Variants in CLSTN2 observed in about 807,000 individuals in gnomAD.
The protein encoded by CLSTN2 is calsyntenin 2.
In CLSTN2, 48 loss-of-function variants were observed where a neutral mutation model predicts 101.2. That is an observed-to-expected ratio of 0.47 (90% CI 0.38 to 0.60). The LOEUF is 0.60. Ranked by LOEUF, CLSTN2 falls within the 20% of genes least tolerant of loss-of-function variation. The pLI, the probability that CLSTN2 is intolerant of heterozygous loss-of-function variation, is 0.00. For synonymous variants in CLSTN2, 481 were observed against 463.6 expected (o/e 1.04, Z -0.48); for missense variants, 1,160 against 1,238.2 (o/e 0.94, Z 0.95).
rs534329520 is a variant in CLSTN2, at chr3:140,050,343, A to G, written c.109+114860A>G. Among the ~76,000 whole-genome samples the G allele has an allele frequency of 2.3e-3, 350 of 152,360 alleles. 2 individuals are homozygous for G. The highest frequency in any genetic ancestry group is 6.8e-3 in the African/African-American group (284 of 41,580). ...GAAAGGATGTTTACTATGTTGAGCC[A>G]TATGAAATCACTACTATTTGACCTA... On this transcript the variant is annotated intron_variant, in intron 1 of 16. Transcript: ENST00000458420.
In CLSTN2 at chr3:140,572,104, A is replaced by G. The variant is rs1218236173; in HGVS notation, c.*5851A>G. The G allele has an allele frequency of 6.6e-6, 1 of 152,250 alleles. No homozygotes were observed. Among genetic ancestry groups the G allele is most frequent in the East Asian group, 1.9e-4 (1 of 5,188 alleles). 9.4% of individuals were successfully genotyped at this position (152,250 alleles called of 1,614,324 possible). ...TGGGATGTCCCTTTGTGGTGTTGGAAGCTGTGCACGAGCAGTCAGGACTTT... is the reference window on the plus strand; with the variant it reads ...TGGGATGTCCCTTTGTGGTGTTGGAGGCTGTGCACGAGCAGTCAGGACTTT... On this transcript the variant is annotated 3_prime_UTR_variant, in exon 17 of 17. Transcript: ENST00000458420.
chr3:140,403,824 A>G lies in CLSTN2; in HGVS notation c.428A>G (p.Lys143Arg). ...PHETAWKKSH[K>R]AVVHIQVKDV... ...GAGACAGCCTGGAAAAAGTCACACA[A>G]GTGAGTGGCCTGACAGAGCCCTCTG... The change falls in exon 3 of 17, where the codon AAG becomes AGG. Residue 143 changes from lysine to arginine, a missense_variant and splice_region_variant. Coordinates refer to ENST00000458420, the MANE Select transcript of CLSTN2 (RefSeq NM_022131.3). 1 of 1,607,778 alleles carries G rather than the reference A, an allele frequency of 6.2e-7. No homozygotes were observed.
chr3:140,304,422 G>T (rs1487764801), intron 2 of CLSTN2, among the ~76,000 whole-genome samples: 1 of 152,188 alleles, frequency 6.6e-6, no homozygotes. Flanking sequence ...CCTGGTGAGG[G>T]TTCTCTTCCT....
chr3:140,564,115 T>C lies in CLSTN2; in HGVS notation c.2637T>C (p.Ser879=). ...AKESEMDWDD[S]ALTITVNPME... Reference sequence around the variant, plus strand: ...AATCTGAGATGGACTGGGACGATTCTGCGCTGACTATCACAGTCAACCCCA... The same window carrying C: ...AATCTGAGATGGACTGGGACGATTCCGCGCTGACTATCACAGTCAACCCCA... The change falls in exon 16 of 17, where the codon TCT becomes TCC. Residue 879 remains serine, a synonymous_variant. Coordinates refer to ENST00000458420, the MANE Select transcript of CLSTN2 (RefSeq NM_022131.3). 6.2e-7 allele frequency: 1 copy of C among 1,614,140 alleles called. No individual in the cohort carries two copies. Among genetic ancestry groups the C allele is most frequent in the East Asian group, 2.2e-5 (1 of 44,872 alleles).
At chr3:140,331,894 C>G (rs541255958) in intron 2 of CLSTN2, among the ~76,000 whole-genome samples, 1 of 152,316 alleles carries the variant, frequency 6.6e-6, no homozygotes, top group Non-Finnish European at 1.5e-5. Flanking sequence ...TCTGTTCCCT[C>G]CAAACCACTA....
At chr3:139,961,052 A>G (rs185998349) in intron 1 of CLSTN2, among the ~76,000 whole-genome samples, 9 of 152,250 alleles carry the variant, frequency 5.9e-5, no homozygotes, top group Non-Finnish European at 1.3e-4. Flanking sequence ...GGCACTAGAG[A>G]TACAAAACTG....
intron 2 of CLSTN2, among the ~76,000 whole-genome samples, chr3:140,390,310 A>G (rs547941279): frequency 6.6e-6 from 1 of 152,214 alleles, no homozygotes; most frequent in Admixed American, 6.5e-5. Flanking sequence ...TAGTGTTTGT[A>G]TTATCTTCAG....
intron 1 of CLSTN2, among the ~76,000 whole-genome samples, chr3:140,037,320 A>C (rs1282460879): frequency 1.3e-5 from 2 of 152,128 alleles, no homozygotes; most frequent in African/African-American, 4.8e-5. Flanking sequence ...TGTAGCCTGG[A>C]TTGATAAAAG....
At chr3:140,108,630 C>A (rs16849869) in intron 1 of CLSTN2, among the ~76,000 whole-genome samples, 11,707 of 152,238 alleles carry the variant, frequency 0.077, 509 homozygotes, top group East Asian at 0.17. Context: ...AATTCACAGT[C>A]AAGGCAGTTA....
chr3:139,965,747 G>T (rs1935588178), intron 1 of CLSTN2, among the ~76,000 whole-genome samples: 1 of 152,140 alleles, frequency 6.6e-6, no homozygotes, highest in Non-Finnish European at 1.5e-5. Flanking sequence ...TCTTGCAGGG[G>T]CCCAGAGCCC....
At chr3:139,965,003 A>C (rs1487650454) in intron 1 of CLSTN2, among the ~76,000 whole-genome samples, 1 of 152,290 alleles carries the variant, frequency 6.6e-6, no homozygotes, top group East Asian at 1.9e-4. Flanking sequence ...GGCTTCAGAC[A>C]ATGCCACTAC....
At chr3:140,460,024 C>A (rs1181716068) in intron 7 of CLSTN2, among the ~76,000 whole-genome samples, 1 of 152,134 alleles carries the variant, frequency 6.6e-6, no homozygotes, top group Non-Finnish European at 1.5e-5. Flanking sequence ...GGAATCAGTG[C>A]TTTTCAAACT....
intron 2 of CLSTN2, among the ~76,000 whole-genome samples, chr3:140,205,743 T>A (rs2010774377): frequency 6.6e-6 from 1 of 151,984 alleles, no homozygotes; most frequent in Non-Finnish European, 1.5e-5. Context: ...GAGCCCCTAC[T>A]GTGTGCAAGC....
chr3:140,242,103 G>T (rs1487298693), intron 2 of CLSTN2, among the ~76,000 whole-genome samples: 12 of 151,898 alleles, frequency 7.9e-5, no homozygotes, highest in Admixed American at 7.9e-4. Flanking sequence ...GTAGAGATGG[G>T]GTTTCACCAT....
At position 140,134,055 on chromosome 3, in the gene CLSTN2, C is replaced by G. The variant is rs145011244; in HGVS notation, c.110-41896C>G. ...AGCTTGGATGGAATATCTCCTCCCT[C>G]CCATCCATGATCCTTGGGAAACTGT... is the stretch of plus-strand genomic sequence containing the variant. On this transcript the variant is annotated intron_variant, in intron 1 of 16. Coordinates refer to ENST00000458420, the MANE Select transcript of CLSTN2 (RefSeq NM_022131.3). Among the ~76,000 whole-genome samples the G allele has an allele frequency of 7.2e-5, 11 of 152,284 alleles. No homozygotes were observed. In the East Asian group the frequency reaches 2.1e-3, roughly 29 times the overall value.
intron 2 of CLSTN2, among the ~76,000 whole-genome samples, chr3:140,203,087 C>G (rs1046834373): frequency 1.2e-4 from 18 of 152,140 alleles, no homozygotes; most frequent in African/African-American, 4.3e-4. Context: ...CCTCCCCTCC[C>G]AAATTGGAAT....
intron 4 of CLSTN2, among the ~76,000 whole-genome samples, chr3:140,407,195 C>T (rs1204498851): frequency 6.6e-6 from 1 of 152,106 alleles, no homozygotes; most frequent in East Asian, 1.9e-4. Flanking sequence ...TTTCTCTGAG[C>T]GACCTTTCTG....
intron 2 of CLSTN2, among the ~76,000 whole-genome samples, chr3:140,215,471 G>T (rs1174940950): frequency 6.6e-6 from 1 of 152,170 alleles, no homozygotes; most frequent in Non-Finnish European, 1.5e-5. Flanking sequence ...AGTTGTTTCT[G>T]TGCAGAAGTT....
chr3:140,324,583 C>G (rs1007939462), intron 2 of CLSTN2, among the ~76,000 whole-genome samples: 2 of 152,016 alleles, frequency 1.3e-5, no homozygotes, highest in Non-Finnish European at 2.9e-5. Context: ...TTTTTCTTTC[C>G]CTATAATTTT....
Sources: gnomAD v4.1 joint callset for allele counts (sites outside exome capture counted in the v4.1 genomes callset) on GRCh38, gnomAD v4.1.1 for gene constraint, MANE v1.5 for transcripts, NCBI Gene and HGNC (gene_info 2026-07-23, HGNC 2026-07-21) for gene names.